The following PCYT1A variants were observed in gnomAD, a reference collection of about 807,000 sequenced individuals.
PCYT1A encodes choline-phosphate cytidylyltransferase A.
In PCYT1A, 25 loss-of-function variants were observed where a neutral mutation model predicts 43.7. The observed-to-expected ratio is 0.57, with a 90% CI of 0.42 to 0.80. PCYT1A has a LOEUF of 0.80. Among genes scored for constraint, PCYT1A ranks in the 30% least tolerant of loss-of-function variants. The pLI, the probability that PCYT1A is intolerant of heterozygous loss-of-function variation, is 0.00. For synonymous variants in PCYT1A, 172 were observed against 170.7 expected (o/e 1.01, Z -0.06); for missense variants, 421 against 474.2 (o/e 0.89, Z 1.04).
chr3:196,247,550 A>T lies in PCYT1A; in HGVS notation c.335-32T>A. 1 of 1,611,144 alleles carries T rather than the reference A, an allele frequency of 6.2e-7. No homozygotes were observed. The highest frequency in any genetic ancestry group is 8.5e-7 in the Non-Finnish European group (1 of 1,177,314). On this transcript the variant is annotated intron_variant, in intron 4 of 8. Transcript: ENST00000431016. The surrounding 1 kb of genome is among the most constrained non-coding windows in gnomAD (Gnocchi z 4.8). ...CACCACATCATAAATTGTGTGTTGG[A>T]GTCCTCTTTGCTTAGCACCTCCTCA... is the stretch of plus-strand genomic sequence containing the variant.
At chr3:196,256,055 G>GA (rs1724941461) in intron 3 of PCYT1A, among the ~76,000 whole-genome samples, 2 of 152,166 alleles carry the variant, frequency 1.3e-5, no homozygotes, top group Admixed American at 1.3e-4. Flanking sequence ...ATCTTATCAT[G>GA]AATCAGAAGG....
In PCYT1A at chr3:196,282,218, T is replaced by C. The variant is rs1725789496; in HGVS notation, c.-11+5397A>G. Among the ~76,000 whole-genome samples the C allele has an allele frequency of 6.6e-6, 1 of 152,286 alleles. No individual in the cohort carries two copies. The highest frequency in any genetic ancestry group is 1.9e-4 in the East Asian group (1 of 5,188). Reference sequence around the variant, plus strand: ...ACCCTGGGTTAGCCACTGGCACACATAATAAAGCTTATACTTCTTCGGCCT... The same window carrying C: ...ACCCTGGGTTAGCCACTGGCACACACAATAAAGCTTATACTTCTTCGGCCT... On this transcript the variant is annotated intron_variant, in intron 1 of 8. Coordinates refer to ENST00000431016, the MANE Select transcript of PCYT1A (RefSeq NM_001312673.2). This position sits in a 1 kb window ranked among gnomAD's most constrained non-coding sequence, Gnocchi z 4.3.
rs201415424 is a variant in PCYT1A, at chr3:196,257,914, G to T, written c.118-27C>A. ...TTAAGAAATGGAAAGTGAAGGAAAAGAAAGTTCAACTCAATGGCATACACT... is the reference window on the plus strand; with the variant it reads ...TTAAGAAATGGAAAGTGAAGGAAAATAAAGTTCAACTCAATGGCATACACT... On this transcript the variant is annotated intron_variant, in intron 2 of 8. Coordinates refer to ENST00000431016, the MANE Select transcript of PCYT1A (RefSeq NM_001312673.2). 1.8e-4 allele frequency: 249 copies of T among 1,415,702 alleles called. 1 individual carries two copies. In the African/African-American group the frequency reaches 3.0e-3, roughly 17 times the overall value. The allele number at this position is 1,415,702 out of a possible 1,614,324, so 87.7% of individuals were successfully genotyped here.
intron 1 of PCYT1A, 102 bp from the exon 2 acceptor site, chr3:196,270,643 C>A: frequency 1.2e-6 from 1 of 802,574 alleles, no homozygotes; most frequent in Non-Finnish European, 2.2e-6. Context: ...AGCAAAATAC[C>A]AATTCTACAG....
In PCYT1A at chr3:196,286,782, C is replaced by T. The variant is rs570195170; in HGVS notation, c.-11+833G>A. Among the ~76,000 whole-genome samples the T allele has an allele frequency of 9.5e-4, 144 of 152,252 alleles. 1 individual carries two copies. The highest frequency in any genetic ancestry group is 1.5e-3 in the Non-Finnish European group (100 of 68,002). On this transcript the variant is annotated intron_variant, in intron 1 of 8. Coordinates refer to ENST00000431016, the MANE Select transcript of PCYT1A (RefSeq NM_001312673.2). ...TACAAAAATTAGCCGGGCGTGGTGG[C>T]GCATGCCTGTAATCCCAGCTACTAG...
chr3:196,244,789 A>G (rs963845148), intron 5 of PCYT1A, among the ~76,000 whole-genome samples: 2 of 151,930 alleles, frequency 1.3e-5, no homozygotes, highest in Non-Finnish European at 2.9e-5. Flanking sequence ...CTGTGACCTT[A>G]CCCCCAACCC....
chr3:196,284,066 G>A (rs1282222442), intron 1 of PCYT1A, among the ~76,000 whole-genome samples: 2 of 152,092 alleles, frequency 1.3e-5, no homozygotes, highest in Admixed American at 6.6e-5. Context: ...TGATGTAAGG[G>A]AGACCTATTT....
intron 2 of PCYT1A, among the ~76,000 whole-genome samples, chr3:196,258,690 T>C (rs974328623): frequency 1.3e-5 from 2 of 151,766 alleles, no homozygotes; most frequent in African/African-American, 4.8e-5. Flanking sequence ...CCGACTCAAG[T>C]GATCCTCCCA....
chr3:196,246,852 G>A (rs1414195924), intron 5 of PCYT1A, among the ~76,000 whole-genome samples: 4 of 152,012 alleles, frequency 2.6e-5, no homozygotes, highest in Non-Finnish European at 4.4e-5. Context: ...TGCCAGTGGT[G>A]TAACTTGTGG....
chr3:196,264,046 G>A (rs1469825801), intron 2 of PCYT1A, among the ~76,000 whole-genome samples: 1 of 152,046 alleles, frequency 6.6e-6, no homozygotes, highest in African/African-American at 2.4e-5. Context: ...ATGTCTTATA[G>A]GCCCTCTAAA....
chr3:196,247,402 A>G lies in PCYT1A; in HGVS notation c.451T>C (p.Trp151Arg). The G allele has an allele frequency of 6.2e-7, 1 of 1,614,246 alleles. No individual in the cohort carries two copies. ...YVDEVVRNAP[W>R]TLTPEFLAEH... ...GCCAGGAACTCGGGTGTCAGCGTCC[A>G]GGGCGCATTCCTCACCACCTCATCC... The change falls in exon 5 of 9, where the codon TGG becomes CGG. Residue 151 changes from tryptophan (W) to arginine (R), a missense_variant. Physicochemically the swap from Trp to Arg is moderately radical, Grantham distance 101. Around this residue, in one of 3 missense-constraint regions of PCYT1A, gnomAD observed 174 missense variants for 270.7 expected, o/e 0.64. Coordinates refer to ENST00000431016, the MANE Select transcript of PCYT1A (RefSeq NM_001312673.2). This position sits in a 1 kb window ranked among gnomAD's most constrained non-coding sequence, Gnocchi z 4.8.
intron 3 of PCYT1A, among the ~76,000 whole-genome samples, chr3:196,249,806 G>GAGGACCAGATACACTATGCTGAGGCTA (rs1358474499): frequency 1.3e-5 from 2 of 151,970 alleles, no homozygotes; most frequent in East Asian, 3.9e-4. Context: ...TGCCGAGGCT[G>GAGGACCAGATACACTATGCTGAGGCTA]AGGACCAGAT....
At chr3:196,269,942 C>T (rs1560174795) in intron 2 of PCYT1A, among the ~76,000 whole-genome samples, 2 of 152,052 alleles carry the variant, frequency 1.3e-5, no homozygotes, top group Admixed American at 6.6e-5. Context: ...GGTGCAATCT[C>T]GGCTCACCGC....
At chr3:196,263,390 AT>A (rs1258358442) in intron 2 of PCYT1A, among the ~76,000 whole-genome samples, 1 of 151,392 alleles carries the variant, frequency 6.6e-6, no homozygotes, top group African/African-American at 2.4e-5. Context: ...TAATTTTTCC[AT>A]TTTTTTTGTA....
chr3:196,244,404 G>C (rs1405344485), intron 5 of PCYT1A, among the ~76,000 whole-genome samples: 1 of 145,938 alleles, frequency 6.9e-6, no homozygotes, highest in Admixed American at 6.9e-5. Flanking sequence ...TGTGGGGAGC[G>C]CCACTGCCCC....
intron 5 of PCYT1A, among the ~76,000 whole-genome samples, chr3:196,243,795 C>T (rs1326378326): frequency 2.0e-5 from 3 of 152,256 alleles, no homozygotes; most frequent in African/African-American, 4.8e-5. Flanking sequence ...CTCGGCCTCC[C>T]GAGGTGCCGG....
chr3:196,253,858 C>A (rs1476597590), intron 3 of PCYT1A, among the ~76,000 whole-genome samples: 1 of 151,744 alleles, frequency 6.6e-6, no homozygotes, highest in Non-Finnish European at 1.5e-5. Flanking sequence ...GATAAACACA[C>A]CCCTGATTTA....
chr3:196,270,667 A>C (rs1725404398), intron 1 of PCYT1A, 126 bp from the exon 2 acceptor site: 1 of 747,686 alleles, frequency 1.3e-6, no homozygotes, highest in Middle Eastern at 3.5e-4. Flanking sequence ...CACTTCACCA[A>C]GATGAGCCAA....
At chr3:196,239,301 G>C (rs142139330) in intron 8 of PCYT1A, among the ~76,000 whole-genome samples, 1 of 152,274 alleles carries the variant, frequency 6.6e-6, no homozygotes, top group South Asian at 2.1e-4. Flanking sequence ...TGGGCAAGGC[G>C]ACTTGCTTAT....
Sources: allele counts gnomAD v4.1 joint callset (sites outside exome capture counted in the v4.1 genomes callset), GRCh38; gene constraint gnomAD v4.1.1; regional missense constraint gnomAD v4.1.1; non-coding constraint Gnocchi (gnomAD v3.1); transcripts MANE v1.5; gene names NCBI Gene and HGNC (gene_info 2026-07-23, HGNC 2026-07-21).